Variants in MYO3B observed in about 807,000 individuals in gnomAD.
The protein encoded by MYO3B is myosin IIIB.
MYO3B carries 156 observed loss-of-function variants against 174.6 expected under a neutral mutation model. That is an observed-to-expected ratio of 0.89 (90% confidence interval 0.78 to 1.02). The LOEUF is 1.02. Ranked by LOEUF, MYO3B falls within the 50% of genes least tolerant of loss-of-function variation. The pLI, the probability that MYO3B is intolerant of heterozygous loss-of-function variation, is 0.00. For synonymous variants in MYO3B, 563 were observed against 569.1 expected, an observed-to-expected ratio of 0.99 and a Z score of 0.15; for missense variants, 1,632 against 1,639.4, an observed-to-expected ratio of 1.00 and a Z score of 0.08.
intron 7 of MYO3B, among the ~76,000 whole-genome samples, chr2:170,271,596 A>G (rs1162188911): frequency 1.3e-5 from 2 of 152,198 alleles, no homozygotes; most frequent in Non-Finnish European, 2.9e-5. Context: ...ATAGAGTACA[A>G]CGTGGCCTAA....
intron 24 of MYO3B, among the ~76,000 whole-genome samples, chr2:170,464,073 C>T (rs1176293195): frequency 1.3e-5 from 2 of 152,212 alleles, no homozygotes; most frequent in Admixed American, 6.5e-5. Flanking sequence ...ACTGTTAGGC[C>T]GAGCACATTG....
At chr2:170,287,492 G>A (rs1206447154) in intron 7 of MYO3B, among the ~76,000 whole-genome samples, 3 of 151,980 alleles carry the variant, frequency 2.0e-5, no homozygotes, top group Non-Finnish European at 2.9e-5. Context: ...CTGATGTTGA[G>A]CATGTTTTCA....
chr2:170,516,806 A>G (rs1017022971), intron 29 of MYO3B, among the ~76,000 whole-genome samples: 3 of 152,140 alleles, frequency 2.0e-5, no homozygotes, highest in South Asian at 4.1e-4. Context: ...CGAAGCTTCT[A>G]TTGTCACACC....
intron 30 of MYO3B, among the ~76,000 whole-genome samples, chr2:170,534,049 A>G (rs1689528926): frequency 6.6e-6 from 1 of 152,248 alleles, no homozygotes; most frequent in African/African-American, 2.4e-5. Context: ...AAATACTTTT[A>G]CTAAATAATT....
chr2:170,282,710 C>T (rs2093521662), intron 7 of MYO3B, among the ~76,000 whole-genome samples: 1 of 152,014 alleles, frequency 6.6e-6, no homozygotes, highest in Non-Finnish European at 1.5e-5. Context: ...ATCATTTAAA[C>T]AATATTAATG....
At chr2:170,636,144 A>G (rs1165439804) in intron 32 of MYO3B, among the ~76,000 whole-genome samples, 1 of 152,182 alleles carries the variant, frequency 6.6e-6, no homozygotes, top group Admixed American at 6.5e-5. Flanking sequence ...ATTATGAAGC[A>G]TGTGTGTTAC....
At position 170,401,555 on chromosome 2, in the gene MYO3B, G is replaced by A. The variant is rs763702794; in HGVS notation, c.1993G>A (p.Glu665Lys). The change falls in exon 18 of 35, where the codon GAG becomes AAG. Residue 665 changes from glutamate (E) to lysine (K), a missense_variant. Glu to Lys is a moderately conservative substitution (Grantham distance 56). Transcript: ENST00000408978. ...CTCCCACTGTGTGGTCACCCGGGGC[G>A]AGACCATCATCCGTGCCAACACTGT... ...LTSHCVVTRGETIIRANTVDR... is the reference protein window; with the variant it reads ...LTSHCVVTRGKTIIRANTVDR... 64 of 1,614,024 alleles carry A rather than the reference G, an allele frequency of 4.0e-5. 2 individuals are homozygous for A. In the South Asian group the frequency reaches 6.3e-4, roughly 16 times the overall value.
chr2:170,403,488 TAATA>T (rs903368762), intron 19 of MYO3B, among the ~76,000 whole-genome samples: 49 of 152,156 alleles, frequency 3.2e-4, no homozygotes, highest in African/African-American at 1.1e-3. Flanking sequence ...ATGAGTTTAA[TAATA>T]AATAAGACAG....
At chr2:170,357,339 TTA>T (rs10675765) in intron 8 of MYO3B, among the ~76,000 whole-genome samples, 20 of 145,394 alleles carry the variant, frequency 1.4e-4, no homozygotes, top group South Asian at 4.3e-4. Flanking sequence ...ATAATATATA[TTA>T]TATATATATA....
rs192839377 is a variant in MYO3B, at chr2:170,326,372, G to C, written c.750-9013G>C. 1.4e-4 allele frequency among the ~76,000 whole-genome samples: 22 copies of C among 152,192 alleles called. No homozygotes were observed. In the East Asian group the frequency reaches 4.2e-3, roughly 29 times the overall value. Reference sequence around the variant, plus strand: ...TACAAATGTGTGTGAAAAAGAACAGGGTTGTGGTTTCCACTCTATATGTGA... The same window carrying C: ...TACAAATGTGTGTGAAAAAGAACAGCGTTGTGGTTTCCACTCTATATGTGA... On this transcript the variant is annotated intron_variant, in intron 7 of 34. Coordinates refer to ENST00000408978, the MANE Select transcript of MYO3B (RefSeq NM_138995.5).
intron 7 of MYO3B, among the ~76,000 whole-genome samples, chr2:170,244,414 CAG>C (rs1385550876): frequency 1.3e-5 from 2 of 152,018 alleles, no homozygotes; most frequent in Non-Finnish European, 2.9e-5. Context: ...GAAGCCAGGT[CAG>C]GGGATTGTAA....
intron 32 of MYO3B, among the ~76,000 whole-genome samples, chr2:170,637,045 C>A (rs1189808094): frequency 6.6e-6 from 1 of 150,664 alleles, no homozygotes; most frequent in Non-Finnish European, 1.5e-5. Context: ...CAGGAGATAC[C>A]CATTTCTCAG....
At chr2:170,533,433 G>GC (rs1689484016) in intron 30 of MYO3B, among the ~76,000 whole-genome samples, 2 of 148,334 alleles carry the variant, frequency 1.3e-5, no homozygotes, top group East Asian at 4.1e-4. Flanking sequence ...GGTGGGGGGG[G>GC]GGTGTGCAGT....
chr2:170,651,803 C>T (rs1559205938), intron 33 of MYO3B, 69 bp downstream of exon 33: 2 of 1,337,906 alleles, frequency 1.5e-6, no homozygotes, highest in East Asian at 2.3e-5. Flanking sequence ...GTTATTACTA[C>T]CTGTTCCAGC....
chr2:170,407,601 T>TATGAAAGCTAC, intron 21 of MYO3B, 114 bp from the exon 22 acceptor site: 3 of 1,190,186 alleles, frequency 2.5e-6, no homozygotes, highest in Non-Finnish European at 3.6e-6. Context: ...ATGAAAGCTA[T>TATGAAAGCTAC]GTAAAGATGA....
At chr2:170,540,243 G>A (rs956690993) in intron 30 of MYO3B, among the ~76,000 whole-genome samples, 55 of 151,830 alleles carry the variant, frequency 3.6e-4, no homozygotes, top group Non-Finnish European at 6.8e-4. Flanking sequence ...AGGATCACTT[G>A]AGCCCAGGAG....
chr2:170,633,070 G>C (rs1697152658), intron 32 of MYO3B, among the ~76,000 whole-genome samples: 1 of 152,124 alleles, frequency 6.6e-6, no homozygotes, highest in South Asian at 2.1e-4. Flanking sequence ...CATTCCTTTT[G>C]AAACTATTCC....
At chr2:170,470,502 CA>C (rs1684921747) in intron 25 of MYO3B, among the ~76,000 whole-genome samples, 1 of 151,944 alleles carries the variant, frequency 6.6e-6, no homozygotes, top group Non-Finnish European at 1.5e-5. Context: ...GCTCATTTAT[CA>C]GGGGATGAAC....
At chr2:170,213,706 A>C (rs761530898) in intron 3 of MYO3B, among the ~76,000 whole-genome samples, 3 of 152,374 alleles carry the variant, frequency 2.0e-5, no homozygotes, top group South Asian at 2.1e-4. Flanking sequence ...CAAAGAACAA[A>C]TATGCAAAAT....
Sources: allele counts gnomAD v4.1 joint callset (sites outside exome capture counted in the v4.1 genomes callset), GRCh38; gene constraint gnomAD v4.1.1; transcripts MANE v1.5; gene names NCBI Gene and HGNC (gene_info 2026-07-23, HGNC 2026-07-21).